Variants in DIAPH2 observed in about 807,000 individuals in gnomAD.
DIAPH2 encodes the protein diaphanous related formin 2.
In DIAPH2, 35 loss-of-function variants were observed where a neutral mutation model predicts 92.7. The ratio of observed to expected loss-of-function variants is 0.38; its 90% confidence interval spans 0.29 to 0.50. DIAPH2 has a LOEUF of 0.50. DIAPH2 is among the 20% of genes least tolerant of loss of function. The pLI, the probability that DIAPH2 is intolerant of heterozygous loss-of-function variation, is 0.94. For synonymous variants in DIAPH2, 301 were observed against 280.4 expected (o/e 1.07, Z -0.73); for missense variants, 701 against 819.5 (o/e 0.86, Z 1.77).
At chrX:97,093,304 A>G (rs2066840907) in intron 19 of DIAPH2, among the ~76,000 whole-genome samples, 1 of 111,606 alleles carries the variant, frequency 9.0e-6, no homozygotes, top group Non-Finnish European at 1.9e-5. Flanking sequence ...AAGGATGGAT[A>G]TCAATCAGAG....
chrX:97,323,416 CCT>C (rs2068918940), intron 23 of DIAPH2, among the ~76,000 whole-genome samples: 1 of 98,864 alleles, frequency 1.0e-5, no homozygotes, highest in African/African-American at 3.7e-5. Flanking sequence ...ACGGTGAAAC[CCT>C]GTCTCTACTA....
At chrX:97,383,849 C>T (rs1035214738) in intron 24 of DIAPH2, 60 bp from the exon 25 acceptor site, 71 of 1,010,796 alleles carry the variant, frequency 7.0e-5, no homozygotes, top group Non-Finnish European at 8.8e-5. Context: ...CAAAACTGTG[C>T]AATGTCTCTA....
intron 13 of DIAPH2, among the ~76,000 whole-genome samples, chrX:96,943,063 T>C (rs773787241): frequency 6.8e-4 from 75 of 109,759 alleles, no homozygotes; most frequent in African/African-American, 2.4e-3. Context: ...ATCACATTCG[T>C]GATCGCTCCC....
At chrX:97,451,158 A>G (rs999021084) in intron 26 of DIAPH2, among the ~76,000 whole-genome samples, 3 of 112,026 alleles carry the variant, frequency 2.7e-5, no homozygotes, top group East Asian at 5.5e-4. Flanking sequence ...TGAAACTTTT[A>G]AAGTGTATTT....
chrX:97,232,296 G>T (rs922064176), intron 22 of DIAPH2, among the ~76,000 whole-genome samples: 2 of 111,584 alleles, frequency 1.8e-5, no homozygotes, highest in African/African-American at 3.3e-5. Context: ...GTGTAGTGGC[G>T]TGATCTCAGC....
At chrX:96,752,393 G>A (rs1309451118) in intron 3 of DIAPH2, among the ~76,000 whole-genome samples, 1 of 112,325 alleles carries the variant, frequency 8.9e-6, no homozygotes, top group Non-Finnish European at 1.9e-5. Context: ...TTTATTAAAT[G>A]TTTACTGCAT....
At chrX:97,408,949 A>G (rs1164342237) in intron 25 of DIAPH2, among the ~76,000 whole-genome samples, 1 of 112,158 alleles carries the variant, frequency 8.9e-6, no homozygotes, top group East Asian at 2.8e-4. Context: ...ATTGGATTGG[A>G]TCTGATACAC....
chrX:96,890,392 AT>A (rs994587602), intron 5 of DIAPH2, among the ~76,000 whole-genome samples: 3 of 111,955 alleles, frequency 2.7e-5, no homozygotes, highest in Non-Finnish European at 5.6e-5. Flanking sequence ...AGGCTAGAGG[AT>A]TTCCTAATGT....
intron 26 of DIAPH2, among the ~76,000 whole-genome samples, chrX:97,490,366 T>A (rs140351846): frequency 0.017 from 1,822 of 110,246 alleles, 34 homozygotes; most frequent in African/African-American, 0.057. Context: ...TTTCACTGAT[T>A]TTTTTTCTAC....
intron 25 of DIAPH2, among the ~76,000 whole-genome samples, chrX:97,425,012 C>G (rs1170228986): frequency 1.8e-5 from 2 of 112,044 alleles, no homozygotes; most frequent in Non-Finnish European, 3.8e-5. Context: ...AAAACAATAT[C>G]TATAATGTTA....
intron 21 of DIAPH2, among the ~76,000 whole-genome samples, chrX:97,116,895 G>A (rs757428829): frequency 5.4e-5 from 6 of 111,690 alleles, no homozygotes; most frequent in Non-Finnish European, 1.1e-4. Context: ...ATATTTTGGA[G>A]AGAGGCTTCT....
chrX:97,121,518 C>T (rs2067058091), intron 21 of DIAPH2, among the ~76,000 whole-genome samples: 1 of 112,208 alleles, frequency 8.9e-6, no homozygotes, highest in African/African-American at 3.2e-5. Context: ...GATTGAAAGT[C>T]AGACAATTTG....
chrX:97,534,077 A>G (rs1275782373), intron 26 of DIAPH2, among the ~76,000 whole-genome samples: 2 of 93,775 alleles, frequency 2.1e-5, no homozygotes, highest in African/African-American at 7.6e-5. Context: ...CTCTGGGTAT[A>G]CATATACAAA....
intron 17 of DIAPH2, among the ~76,000 whole-genome samples, chrX:97,011,717 C>A (rs1160980346): frequency 4.6e-5 from 5 of 107,788 alleles, no homozygotes; most frequent in African/African-American, 1.7e-4. Context: ...GTGGTGAAAC[C>A]CCATCTCTAC....
intron 23 of DIAPH2, among the ~76,000 whole-genome samples, chrX:97,307,951 ATAGAT>A (rs1240640908): frequency 1.8e-5 from 2 of 109,415 alleles, no homozygotes; most frequent in African/African-American, 6.6e-5. Context: ...TATCATTACT[ATAGAT>A]TAGATTGGCA....
chrX:96,991,513 G>T (rs1240194921), intron 17 of DIAPH2, among the ~76,000 whole-genome samples: 1 of 97,176 alleles, frequency 1.0e-5, no homozygotes. Context: ...CATAGTGATT[G>T]AAACCAAGGT....
At chrX:96,853,919 T>C (rs139850007) in intron 4 of DIAPH2, among the ~76,000 whole-genome samples, 2,520 of 111,978 alleles carry the variant, frequency 0.023, 114 homozygotes, top group Admixed American at 0.15. Flanking sequence ...TGTTTAGTGC[T>C]TACTTTTGAC....
At position 97,599,279 on chromosome X, in the gene DIAPH2, T is replaced by G. The variant is rs756926815; in HGVS notation, c.3268T>G (p.Ser1090Ala). The part of the protein sequence containing the change: ...PDNRRVPLER[S>A]RSRHNGAISS... ...TAACAGACGAGTACCTTTGGAAAGG[T>G]CACGCTCTCGCCACAATGGAGCTAT... Residue 1090 changes from serine (S) to alanine (A), a missense_variant, in exon 27 of 27, where the codon TCA (serine) becomes GCA (alanine). Physicochemically the swap from Ser to Ala is moderately conservative, Grantham distance 99. This residue lies in a region of DIAPH2 where 536 missense variants were observed against 599.3 expected (regional missense o/e 0.89). Transcript: ENST00000324765. 3 of 1,196,368 alleles carry G rather than the reference T, an allele frequency of 2.5e-6. No homozygotes were observed. The highest frequency in any genetic ancestry group is 3.4e-6 in the Non-Finnish European group (3 of 885,024).
intron 19 of DIAPH2, among the ~76,000 whole-genome samples, chrX:97,084,064 A>G (rs1372676016): frequency 9.4e-6 from 1 of 106,520 alleles, no homozygotes; most frequent in Admixed American, 1.0e-4. Context: ...GTGCTGAGCA[A>G]TTCACTTTAC....
Sources: gnomAD v4.1 joint callset for allele counts (sites outside exome capture counted in the v4.1 genomes callset) on GRCh38, gnomAD v4.1.1 for gene constraint, gnomAD v4.1.1 regional missense constraint, MANE v1.5 for transcripts, NCBI Gene and HGNC (gene_info 2026-07-23, HGNC 2026-07-21) for gene names.